KAT7: variants seen among roughly 807,000 people sequenced by gnomAD.
KAT7 encodes the protein lysine acetyltransferase 7.
Under a neutral mutation model 82.1 loss-of-function variants are expected in KAT7, and 10 were observed. That is an observed-to-expected ratio of 0.12 (90% CI 0.08 to 0.21). The LOEUF (loss-of-function observed/expected upper bound fraction) is 0.21. Ranked by LOEUF, KAT7 falls within the 10% of genes least tolerant of loss-of-function variation. The pLI is 1.00. For missense variants in KAT7, 378 were observed against 760.9 expected (o/e 0.50, Z 5.92); for synonymous variants, 250 against 262.5 (o/e 0.95, Z 0.46).
At chr17:49,816,273 C>G (rs2074233729) in intron 8 of KAT7, among the ~76,000 whole-genome samples, 1 of 152,158 alleles carries the variant, frequency 6.6e-6, no homozygotes, top group African/African-American at 2.4e-5. Context: ...TTTCTTAATC[C>G]CAACAGGAAC....
intron 4 of KAT7, among the ~76,000 whole-genome samples, 182 bp from the exon 5 acceptor site, chr17:49,805,181 C>T (rs187331359): frequency 6.6e-6 from 1 of 152,248 alleles, no homozygotes; most frequent in Admixed American, 6.5e-5. Context: ...CAGATCCATC[C>T]TGTGGAAGAA....
At chr17:49,819,579 AAG>A (rs779093265) in intron 9 of KAT7, among the ~76,000 whole-genome samples, 13 of 152,238 alleles carry the variant, frequency 8.5e-5, no homozygotes, top group Non-Finnish European at 1.8e-4. Context: ...GGAGAAAACA[AAG>A]AGTCTGAATA....
chr17:49,788,919 C>T, intron 1 of KAT7, 70 bp downstream of exon 1: 1 of 1,420,112 alleles, frequency 7.0e-7, no homozygotes, highest in Non-Finnish European at 9.5e-7. Context: ...CGCAGTTGGC[C>T]ACGCCTCACA....
At chr17:49,789,040 A>G (rs1197633655) in intron 1 of KAT7, 191 bp downstream of exon 1, 7 of 449,432 alleles carry the variant, frequency 1.6e-5, no homozygotes, top group African/African-American at 8.2e-5. Flanking sequence ...CTATGCTTGC[A>G]ACTATTCCCG....
Position 49,792,028 on chromosome 17 carries a change from C to T in KAT7, c.158C>T (p.Ser53Phe), listed in dbSNP as rs2073896390. The T allele has an allele frequency of 6.2e-7, 1 of 1,613,514 alleles. No homozygotes were observed. The highest frequency in any genetic ancestry group is 1.7e-5 in the Admixed American group (1 of 59,974). Residue 53 changes from serine (S) to phenylalanine (F), a missense_variant, in exon 2 of 15, where the codon TCT becomes TTT. Physicochemically the swap from Ser to Phe is radical, Grantham distance 155. Coordinates refer to ENST00000259021, the MANE Select transcript of KAT7 (RefSeq NM_007067.5). ...TCCTCAGCCAGGCTAAGCCAGAGTT[C>T]TCAAGGTAAAAAAACCTTCATTTTT... ...TRSSARLSQSSQDSSPVRNLQ... is the reference protein window; with the variant it reads ...TRSSARLSQSFQDSSPVRNLQ...
intron 9 of KAT7, 58 bp downstream of exon 9, chr17:49,818,069 T>G: frequency 6.9e-7 from 1 of 1,443,926 alleles, no homozygotes; most frequent in Non-Finnish European, 9.7e-7. Flanking sequence ...GTAGGATCTC[T>G]AGATTTTGCC....
chr17:49,798,273 A>G (rs772040662), intron 3 of KAT7, 46 bp from the exon 4 acceptor site: 2 of 1,585,664 alleles, frequency 1.3e-6, no homozygotes, highest in Non-Finnish European at 1.7e-6. Flanking sequence ...AAACTTCTAA[A>G]TAAATGAACT....
At chr17:49,818,101 G>A in intron 9 of KAT7, 90 bp downstream of exon 9, 1 of 1,010,586 alleles carries the variant, frequency 9.9e-7, no homozygotes, top group Non-Finnish European at 1.5e-6. Context: ...ATCTGTTCAG[G>A]CACCTTCTCA....
intron 1 of KAT7, 108 bp downstream of exon 1, chr17:49,788,957 C>G (rs1032077042): frequency 7.5e-6 from 8 of 1,073,194 alleles, no homozygotes; most frequent in Non-Finnish European, 7.8e-6. Flanking sequence ...TTCCGCTCCC[C>G]CGAACCTTGT....
In KAT7 at chr17:49,832,229, T is replaced by C. The variant is rs1037777075; in HGVS notation, c.*4727T>C. The C allele has an allele frequency of 2.6e-5, 4 of 152,336 alleles. No individual in the cohort carries two copies. The highest frequency in any genetic ancestry group is 1.9e-4 in the East Asian group (1 of 5,192). The allele number at this position is 152,336 out of a possible 1,614,324, so 9.4% of individuals were successfully genotyped here. ...CCTCAGCCTCCCAAAGTGCTGGGAT[T>C]ACAGGCAGGAGCCACTGCGCCCAGC... On this transcript the variant is annotated 3_prime_UTR_variant, in exon 15 of 15. Transcript: ENST00000259021.
Position 49,827,790 on chromosome 17 carries a change from C to T in KAT7, c.*288C>T, listed in dbSNP as rs1247842935. Reference sequence around the variant, plus strand: ...AGTTCTGTTATGGTACTGTACCTGTCCAGTCACTGGTTCTCTCCTCATGTC... The same window carrying T: ...AGTTCTGTTATGGTACTGTACCTGTTCAGTCACTGGTTCTCTCCTCATGTC... On this transcript the variant is annotated 3_prime_UTR_variant, in exon 15 of 15. Coordinates refer to ENST00000259021, the MANE Select transcript of KAT7 (RefSeq NM_007067.5). 3.5e-5 allele frequency: 13 copies of T among 374,572 alleles called. No individual in the cohort carries two copies. In the Admixed American group the frequency reaches 4.3e-4, roughly 12 times the overall value. The allele number at this position is 374,572 out of a possible 1,614,324, so 23.2% of individuals were successfully genotyped here.
intron 2 of KAT7, 116 bp from the exon 3 acceptor site, chr17:49,796,634 G>A (rs1026942946): frequency 2.7e-6 from 2 of 732,090 alleles, no homozygotes; most frequent in Non-Finnish European, 4.3e-6. Flanking sequence ...TTAAGGATTT[G>A]TTGGATTTTG....
chr17:49,827,133 A>G (rs1049078131), intron 14 of KAT7: 2 of 471,156 alleles, frequency 4.2e-6, no homozygotes, highest in East Asian at 3.5e-5. Flanking sequence ...TGCTGTCTCA[A>G]CTCAAACTCA....
intron 4 of KAT7, among the ~76,000 whole-genome samples, chr17:49,804,745 C>G (rs2074070250): frequency 6.6e-6 from 1 of 152,010 alleles, no homozygotes; most frequent in South Asian, 2.1e-4. Flanking sequence ...TGCATTCCAG[C>G]CTAGGTGACA....
Position 49,792,685 on chromosome 17 carries a change from AC to A in KAT7, c.163+653del, listed in dbSNP as rs560471102. 5.2e-4 allele frequency among the ~76,000 whole-genome samples: 79 copies of A among 152,350 alleles called. 1 individual carries two copies. The highest frequency in any genetic ancestry group is 1.9e-3 in the African/African-American group (79 of 41,590). On this transcript the variant is annotated intron_variant, in intron 2 of 14. Coordinates refer to ENST00000259021, the MANE Select transcript of KAT7 (RefSeq NM_007067.5). ...TTTAATAAATTATATGCAATATTCA[AC>A]ACTTTATTAAAAATAGGCTTTGTGT...
intron 4 of KAT7, among the ~76,000 whole-genome samples, chr17:49,803,082 C>G (rs952143625): frequency 6.6e-6 from 1 of 151,088 alleles, no homozygotes; most frequent in African/African-American, 2.4e-5. Flanking sequence ...TTTTCGTGTT[C>G]AAGATAATTT....
intron 2 of KAT7, chr17:49,795,363 G>A (rs944634808): frequency 2.0e-4 from 41 of 204,358 alleles, no homozygotes; most frequent in African/African-American, 8.4e-4. Flanking sequence ...TGGAGAGTGA[G>A]CAGTTCCTGA....
chr17:49,822,234 T>A (rs553474860), intron 11 of KAT7, among the ~76,000 whole-genome samples: 1 of 152,110 alleles, frequency 6.6e-6, no homozygotes, highest in Non-Finnish European at 1.5e-5. Context: ...AGGCCAGATT[T>A]TTTTTTTTTT....
intron 4 of KAT7, 108 bp from the exon 5 acceptor site, chr17:49,805,253 CAT>C: frequency 1.4e-6 from 1 of 708,938 alleles, no homozygotes; most frequent in Non-Finnish European, 2.5e-6. Context: ...TCTGATCAGA[CAT>C]ATATTTGATA....
Sources: gnomAD v4.1 joint callset for allele counts (sites outside exome capture counted in the v4.1 genomes callset) on GRCh38, gnomAD v4.1.1 for gene constraint, MANE v1.5 for transcripts, NCBI Gene and HGNC (gene_info 2026-07-23, HGNC 2026-07-21) for gene names.